Variants in DPEP2 observed in about 807,000 individuals in gnomAD.
DPEP2 encodes the protein dipeptidase 2.
DPEP2 carries 45 observed loss-of-function variants against 51.8 expected under a neutral mutation model. That is an observed-to-expected ratio of 0.87 (90% confidence interval 0.68 to 1.11). The LOEUF is 1.11. DPEP2 is among the 50% of genes most tolerant of loss of function. The pLI is 0.00. For synonymous variants in DPEP2, 255 were observed against 262.7 expected (o/e 0.97, Z 0.28); for missense variants, 604 against 631.9 (o/e 0.96, Z 0.47).
intron 9 of DPEP2, 42 bp downstream of exon 9, chr16:67,989,281 C>G (rs763107799): frequency 7.5e-6 from 12 of 1,610,152 alleles, no homozygotes; most frequent in Non-Finnish European, 1.0e-5. Context: ...GGCCCCACTG[C>G]TGTACAGCTA....
intron 2 of DPEP2, 53 bp from the exon 3 acceptor site, chr16:67,992,689 A>G (rs965111500): frequency 1.9e-6 from 3 of 1,589,290 alleles, no homozygotes; most frequent in Admixed American, 1.7e-5. Context: ...TGGGCCTCTT[A>G]GCCCTCCAGT....
chr16:67,999,608 ATGCCTGGCC>A, upstream of DPEP2: 3 of 549,496 alleles, frequency 5.5e-6, no homozygotes, highest in Non-Finnish European at 7.0e-6. Flanking sequence ...TGAGCCCACG[ATGCCTGGCC>A]TGTTCCTCTT....
chr16:67,991,186 T>TGCAG lies in DPEP2; in HGVS notation c.663-6_663-3dup, dbSNP rs1567445838. On this transcript the variant is annotated splice_region_variant and splice_polypyrimidine_tract_variant and intron_variant, in intron 5 of 10. Transcript: ENST00000393847. The surrounding 1 kb of genome is among the most constrained non-coding windows in gnomAD (Gnocchi z 5.1). ...ACGCCCTTAGCGGAGCTCTCTGCCC[T>TGCAG]GCAGGGTGGCCAGGAAGCAGTCTGA... The TGCAG allele has an allele frequency of 6.2e-7, 1 of 1,612,680 alleles. No individual in the cohort carries two copies. The highest frequency in any genetic ancestry group is 2.2e-5 in the East Asian group (1 of 44,872).
At position 67,991,747 on chromosome 16, in the gene DPEP2, C is replaced by G. The variant is rs147208304; in HGVS notation, c.662+91G>C. The G allele has an allele frequency of 1.4e-4, 215 of 1,539,224 alleles. 3 individuals carry two copies. The African/African-American group carries it at 2.4e-3, about 17-fold the overall frequency. Reference sequence around the variant, plus strand: ...CCCACTCCAGAGTCAGTGCCACATCCCATGGGTAAAGCTTGTTCTGGGCCC... The same window carrying G: ...CCCACTCCAGAGTCAGTGCCACATCGCATGGGTAAAGCTTGTTCTGGGCCC... On this transcript the variant is annotated intron_variant, in intron 5 of 10. Coordinates refer to ENST00000393847, the MANE Select transcript of DPEP2 (RefSeq NM_022355.4). The surrounding 1 kb of genome is among the most constrained non-coding windows in gnomAD (Gnocchi z 5.1).
Position 67,991,303 on chromosome 16 carries a change from G to C in DPEP2, c.663-119C>G. On this transcript the variant is annotated intron_variant, in intron 5 of 10. Transcript: ENST00000393847. This position sits in a 1 kb window ranked among gnomAD's most constrained non-coding sequence, Gnocchi z 5.1. Reference sequence around the variant, plus strand: ...GAAACAAAAACAGGGATCCAAAATGGGCCCTGCAAATGGGCCATGCCTGGC... The same window carrying C: ...GAAACAAAAACAGGGATCCAAAATGCGCCCTGCAAATGGGCCATGCCTGGC... The C allele has an allele frequency of 1.0e-6, 1 of 989,334 alleles. No homozygotes were observed. The highest frequency in any genetic ancestry group is 1.6e-5 in the African/African-American group (1 of 61,704). 61.3% of individuals were successfully genotyped at this position (989,334 alleles called of 1,614,324 possible). A position where few individuals can be genotyped will look rare whatever the true frequency, so the allele number is the denominator to read the frequency against.
Position 67,993,261 on chromosome 16 carries a change from A to AG in DPEP2, c.-45-5dup. On this transcript the variant is annotated splice_polypyrimidine_tract_variant and splice_region_variant and intron_variant, in intron 1 of 10. Coordinates refer to ENST00000393847, the MANE Select transcript of DPEP2 (RefSeq NM_022355.4). Reference sequence around the variant, plus strand: ...GCAGGGGTGGCAGTCAGAGAGCCTGAGAGGGGCGGGCGAGGGGCAGAGCGC... The same window carrying AG: ...GCAGGGGTGGCAGTCAGAGAGCCTGAGGAGGGGCGGGCGAGGGGCAGAGCGC... 1 of 1,398,296 alleles carries AG rather than the reference A, an allele frequency of 7.2e-7. No individual in the cohort carries two copies. The allele number at this position is 1,398,296 out of a possible 1,614,324, so 86.6% of individuals were successfully genotyped here.
intron 1 of DPEP2, among the ~76,000 whole-genome samples, chr16:67,999,050 A>C (rs1461186834): frequency 6.6e-6 from 1 of 152,144 alleles, no homozygotes; most frequent in Non-Finnish European, 1.5e-5. Flanking sequence ...CGCAGTGGCT[A>C]CCTGTTCTGG....
Position 67,991,888 on chromosome 16 carries a change from G to C in DPEP2, c.612C>G (p.Tyr204Ter), listed in dbSNP as rs1278640029. 11 of 1,614,200 alleles carry C rather than the reference G, an allele frequency of 6.8e-6. No homozygotes were observed. The highest frequency in any genetic ancestry group is 8.5e-6 in the Non-Finnish European group (10 of 1,180,042). The change falls in exon 5 of 11, where the codon TAC becomes TAG. Residue 204 changes from tyrosine (Y) to a stop codon, truncating the protein, a stop_gained. Transcript: ENST00000393847. LOFTEE classifies it high-confidence loss of function. This position sits in a 1 kb window ranked among gnomAD's most constrained non-coding sequence, Gnocchi z 5.1. Reference protein sequence around the residue: ...DNSLSILRTFYMLGVRYLTLT... With the variant: ...DNSLSILRTF ...GCGTCAGGTAGCGCACTCCCAGCAT[G>C]TAGAAGGTACGTAAGATGGAGAGGC...
chr16:67,987,606 G>A lies in DPEP2; in HGVS notation c.1361C>T (p.Ala454Val), dbSNP rs1313552022. Residue 454 changes from alanine (A) to valine (V), a missense_variant, in exon 11 of 11, where the codon GCC becomes GTC. By Grantham distance (64) the Ala-to-Val change is moderately conservative (BLOSUM62 0). Transcript: ENST00000393847. ...GACTGACCACTTGGCTGGTAACTTG[G>A]CTGTCCAGTGTATGGGAATCTCAGT... ...ELTEIPIHWT[A>V]KLPAKWSVSE... 1 of 1,614,178 alleles carries A rather than the reference G, an allele frequency of 6.2e-7. No individual in the cohort carries two copies. The highest frequency in any genetic ancestry group is 2.2e-5 in the East Asian group (1 of 44,882).
chr16:67,993,477 C>G, intron 1 of DPEP2: 3 of 1,233,506 alleles, frequency 2.4e-6, no homozygotes, highest in South Asian at 3.2e-5. Context: ...GATCCCTGTC[C>G]TGGGCGCCCA....
rs749525431 is a variant in DPEP2, at chr16:67,987,780, C to G, written c.1207-20G>C. ...CTGTACCTAGAGGTGGCAGTCGGTGCTCAGCTTCCACAGCTCTCCTTGATA... is the reference window on the plus strand; with the variant it reads ...CTGTACCTAGAGGTGGCAGTCGGTGGTCAGCTTCCACAGCTCTCCTTGATA... On this transcript the variant is annotated intron_variant, in intron 10 of 10. Transcript: ENST00000393847. The G allele has an allele frequency of 1.2e-6, 2 of 1,612,676 alleles. No individual in the cohort carries two copies. Among genetic ancestry groups the G allele is most frequent in the Non-Finnish European group, 1.7e-6 (2 of 1,178,766 alleles).
chr16:67,992,110 G>A lies in DPEP2; in HGVS notation c.474C>T (p.Arg158=). 1 of 1,614,184 alleles carries A rather than the reference G, an allele frequency of 6.2e-7. No individual in the cohort carries two copies. Among genetic ancestry groups the A allele is most frequent in the Non-Finnish European group, 8.5e-7 (1 of 1,180,034 alleles). ...CCAGCTCAGAATAGGAGGCACACAT[G>A]CGGCGTATGAGGTCAATCTGCTCCA... ...LTLEQIDLIR[R]MCASYSELEL... The change falls in exon 4 of 11, where the codon CGC becomes CGT. Residue 158 remains arginine, a synonymous_variant. Coordinates refer to ENST00000393847, the MANE Select transcript of DPEP2 (RefSeq NM_022355.4).
intron 9 of DPEP2, 146 bp downstream of exon 9, chr16:67,989,177 G>T: frequency 1.2e-6 from 1 of 840,220 alleles, no homozygotes; most frequent in Non-Finnish European, 1.9e-6. Context: ...CTAGAGTGGG[G>T]TCACTGGGAT....
rs1451023059 is a variant in DPEP2 at position 67,994,992 on chromosome 16, C to T, written c.-45-1735G>A. On this transcript the variant is annotated intron_variant, in intron 1 of 10. Transcript: ENST00000393847. ...CTTGGCTCACTGCAATCTCCACCTC[C>T]TGGGTTCAAGCGATTCTTGTGCCTT... is the stretch of plus-strand genomic sequence containing the variant. 5 of 696,608 alleles carry T rather than the reference C, an allele frequency of 7.2e-6. No individual in the cohort carries two copies. In the African/African-American group the frequency reaches 7.8e-5, roughly 11 times the overall value. 43.2% of individuals were successfully genotyped at this position (696,608 alleles called of 1,614,324 possible).
In DPEP2 at chr16:67,990,071, A is replaced by C. The variant is rs2151369744; in HGVS notation, c.970T>G (p.Ser324Ala). ...LSMGVIQCNPSANVSTVADHF... is the reference protein window; with the variant it reads ...LSMGVIQCNPAANVSTVADHF... ...CCTGCCACAGTGGACACATTGGCTG[A>C]TGGGTTGCACTGTATTACTCCCATG... Residue 324 changes from serine to alanine, a missense_variant, in exon 8 of 11, where the codon TCA becomes GCA. Ser to Ala is a moderately conservative substitution (Grantham distance 99, BLOSUM62 1). Coordinates refer to ENST00000393847, the MANE Select transcript of DPEP2 (RefSeq NM_022355.4). 6.2e-7 allele frequency: 1 copy of C among 1,614,144 alleles called. No homozygotes were observed.
In DPEP2 at chr16:67,988,934, AAAG is replaced by A. The variant is rs370981058; in HGVS notation, c.1070+386_1070+388del. ...GAAGAAGAAGAAGAAGAAAAGGAAG[AAAG>A]AAGGAGGAGGAGGAGACAAAGAAGA... On this transcript the variant is annotated intron_variant, in intron 9 of 10. Transcript: ENST00000393847. Among the ~76,000 whole-genome samples, 55 of 152,230 alleles carry A rather than the reference AAAG, an allele frequency of 3.6e-4. No homozygotes were observed. The East Asian group carries it at 8.5e-3, about 24-fold the overall frequency.
intron 7 of DPEP2, 49 bp from the exon 8 acceptor site, chr16:67,990,180 C>T (rs1486338942): frequency 3.2e-6 from 5 of 1,575,132 alleles, no homozygotes; most frequent in Non-Finnish European, 4.4e-6. Flanking sequence ...CAGCAAACTG[C>T]ATTCCTGCCC....
At position 67,989,391 on chromosome 16, in the gene DPEP2, G is replaced by A. The variant is rs770150225; in HGVS notation, c.1002C>T (p.Phe334=). The part of the protein sequence containing the change: ...SANVSTVADH[F]DHIKAVIGSK... ...ATCCAATGACAGCCTTGATGTGGTC[G>A]AAGTGATCTGGGGAGGGGGAAGGTG... The change falls in exon 9 of 11, where the codon TTC becomes TTT. Residue 334 remains phenylalanine, a synonymous_variant. Coordinates refer to ENST00000393847, the MANE Select transcript of DPEP2 (RefSeq NM_022355.4). 17 of 1,614,168 alleles carry A rather than the reference G, an allele frequency of 1.1e-5. No homozygotes were observed. Among genetic ancestry groups the A allele is most frequent in the South Asian group, 4.4e-5 (4 of 91,090 alleles).
Position 67,989,379 on chromosome 16 carries a change from C to T in DPEP2, c.1014G>A (p.Lys338=). Residue 338 remains lysine (K), a synonymous_variant, in exon 9 of 11, where the codon AAG becomes AAA. Transcript: ENST00000393847. ...CGATGAACTTGGATCCAATGACAGC[C>T]TTGATGTGGTCGAAGTGATCTGGGG... ...STVADHFDHI[K]AVIGSKFIGI... is the part of the protein sequence containing the mutation. 1.2e-6 allele frequency: 2 copies of T among 1,614,186 alleles called. No homozygotes were observed. The highest frequency in any genetic ancestry group is 1.7e-6 in the Non-Finnish European group (2 of 1,180,028).
Sources: allele counts gnomAD v4.1 joint callset (sites outside exome capture counted in the v4.1 genomes callset), GRCh38; gene constraint gnomAD v4.1.1; non-coding constraint Gnocchi (gnomAD v3.1); transcripts MANE v1.5; gene names NCBI Gene and HGNC (gene_info 2026-07-23, HGNC 2026-07-21).